Variants in DIP2C observed in about 807,000 individuals in gnomAD.
The protein encoded by DIP2C is DIP2 acetate--CoA ligase C (putative).
In DIP2C, 33 loss-of-function variants were observed where a neutral mutation model predicts 192.4. The ratio of observed to expected loss-of-function variants is 0.17; its 90% CI spans 0.13 to 0.23. The LOEUF is 0.23. DIP2C is among the 10% of genes least tolerant of loss of function. The pLI is 1.00. For synonymous variants in DIP2C, 979 were observed against 864.1 expected (o/e 1.13, Z -2.33); for missense variants, 1,537 against 2,110.1 (o/e 0.73, Z 5.32).
At chr10:390,968 C>T in intron 10 of DIP2C, 105 bp from the exon 11 acceptor site, 3 of 1,493,166 alleles carry the variant, frequency 2.0e-6, no homozygotes, top group Non-Finnish European at 2.7e-6. Context: ...TCTGCAGAAC[C>T]AGGATCCAAC....
intron 1 of DIP2C, among the ~76,000 whole-genome samples, chr10:570,480 A>G (rs1215057333): frequency 1.3e-5 from 2 of 151,988 alleles, no homozygotes; most frequent in Admixed American, 6.6e-5. Context: ...CATGACCCAC[A>G]TCTCTCCACC....
chr10:579,095 G>A (rs533550976), intron 1 of DIP2C, among the ~76,000 whole-genome samples: 1 of 152,078 alleles, frequency 6.6e-6, no homozygotes, highest in Non-Finnish European at 1.5e-5. Context: ...CACACATGCA[G>A]ATCCATGTAG....
chr10:352,388 G>A (rs1564601794), intron 24 of DIP2C, among the ~76,000 whole-genome samples: 2 of 152,234 alleles, frequency 1.3e-5, no homozygotes, highest in South Asian at 4.1e-4. Context: ...TTTTCTCAAT[G>A]CTGGTTGATG....
At chr10:553,969 C>G (rs115205124) in intron 1 of DIP2C, among the ~76,000 whole-genome samples, 1 of 149,130 alleles carries the variant, frequency 6.7e-6, no homozygotes, top group East Asian at 2.0e-4. Flanking sequence ...AAAACGTATA[C>G]GCTTGTAACT....
At chr10:394,686 C>A (rs1226327222) in intron 10 of DIP2C, among the ~76,000 whole-genome samples, 2 of 149,774 alleles carry the variant, frequency 1.3e-5, no homozygotes, top group Non-Finnish European at 3.0e-5. Flanking sequence ...GGGAAGCCTG[C>A]CACATGCTGA....
intron 1 of DIP2C, among the ~76,000 whole-genome samples, chr10:560,309 C>CA (rs1317184704): frequency 1.3e-5 from 2 of 151,832 alleles, no homozygotes; most frequent in Non-Finnish European, 2.9e-5. Context: ...GCCATGTGAA[C>CA]ACAAAGCTAA....
chr10:565,376 TAGAC>T (rs985651862), intron 1 of DIP2C, among the ~76,000 whole-genome samples: 2 of 113,430 alleles, frequency 1.8e-5, no homozygotes, highest in Admixed American at 8.0e-5. Flanking sequence ...AAAAAAGACC[TAGAC>T]AAACACACAC....
At chr10:603,112 G>C (rs1852200890) in intron 1 of DIP2C, among the ~76,000 whole-genome samples, 1 of 151,744 alleles carries the variant, frequency 6.6e-6, no homozygotes, top group Non-Finnish European at 1.5e-5. Context: ...TGTAAGTTCT[G>C]GCATGTCATT....
At chr10:382,544 C>T in intron 17 of DIP2C, 103 bp downstream of exon 17, 1 of 859,438 alleles carries the variant, frequency 1.2e-6, no homozygotes, top group Non-Finnish European at 1.9e-6. Flanking sequence ...GTCCCGTTTT[C>T]ACCCTCACCC....
At chr10:527,298 C>G (rs1847109264) in intron 1 of DIP2C, among the ~76,000 whole-genome samples, 1 of 152,222 alleles carries the variant, frequency 6.6e-6, no homozygotes, top group South Asian at 2.1e-4. Context: ...CTCCCCGCTT[C>G]TGGGCTTCTT....
rs185682757 is a variant in DIP2C at position 519,450 on chromosome 10, G to A, written c.86-32920C>T. ...AGCACGTTTCCTGAGTGCTGACCCC[G>A]CGTGGTATTGGATATGGCAATAAGG... On this transcript the variant is annotated intron_variant, in intron 1 of 36. Transcript: ENST00000280886. Among the ~76,000 whole-genome samples the A allele has an allele frequency of 2.3e-4, 35 of 152,274 alleles. No individual in the cohort carries two copies. The East Asian group carries it at 3.9e-3, about 17-fold the overall frequency.
chr10:496,088 C>A (rs527534055), intron 1 of DIP2C, among the ~76,000 whole-genome samples: 1 of 140,362 alleles, frequency 7.1e-6, no homozygotes, highest in Admixed American at 7.2e-5. Flanking sequence ...GTACACAGAA[C>A]CCACGGTGCC....
chr10:455,496 A>G (rs11252530), intron 3 of DIP2C, among the ~76,000 whole-genome samples: 9 of 86,726 alleles, frequency 1.0e-4, no homozygotes, highest in Admixed American at 3.4e-4. Context: ...CTGAGGGGAG[A>G]CCGTGAGGAG....
In DIP2C at chr10:423,117, C is replaced by T. The variant is rs1966320446; in HGVS notation, c.395-84G>A. ...CAGTCCCTCGCCAAACACAGATTTA[C>T]TTCACGTAAGTCTCAATAGTTGTTC... On this transcript the variant is annotated intron_variant, in intron 4 of 36. Coordinates refer to ENST00000280886, the MANE Select transcript of DIP2C (RefSeq NM_014974.3). 2.3e-6 allele frequency: 3 copies of T among 1,318,036 alleles called. 1 individual carries two copies. The highest frequency in any genetic ancestry group is 2.9e-5 in the South Asian group (2 of 69,506). 81.6% of individuals were successfully genotyped at this position (1,318,036 alleles called of 1,614,324 possible).
chr10:481,529 A>C (rs1013348590), intron 2 of DIP2C, among the ~76,000 whole-genome samples: 2 of 152,236 alleles, frequency 1.3e-5, no homozygotes, highest in African/African-American at 4.8e-5. Flanking sequence ...TTCTGAAAAG[A>C]TAATAAAATT....
chr10:475,388 G>A (rs552528953), intron 2 of DIP2C, among the ~76,000 whole-genome samples: 1 of 152,292 alleles, frequency 6.6e-6, no homozygotes, highest in East Asian at 1.9e-4. Context: ...AAGTTGCCAA[G>A]CGTATCCAGT....
chr10:520,738 A>G lies in DIP2C; in HGVS notation c.86-34208T>C, dbSNP rs534034094. On this transcript the variant is annotated intron_variant, in intron 1 of 36. Transcript: ENST00000280886. ...CTGCCAAAGTTTCACTTTAGGGCAA[A>G]TAAGTTGGAAACCAAAAAATTCTAA... Among the ~76,000 whole-genome samples, 4 of 152,334 alleles carry G rather than the reference A, an allele frequency of 2.6e-5. No homozygotes were observed. The South Asian group carries it at 8.3e-4, about 32-fold the overall frequency.
At chr10:445,628 GTC>G (rs1479282802) in intron 3 of DIP2C, among the ~76,000 whole-genome samples, 12 of 112,476 alleles carry the variant, frequency 1.1e-4, no homozygotes, top group African/African-American at 3.5e-4. Flanking sequence ...GTTGCGAAGA[GTC>G]TATCTTGCAC....
intron 32 of DIP2C, among the ~76,000 whole-genome samples, chr10:290,014 C>A (rs1214358788): frequency 6.6e-6 from 1 of 152,240 alleles, no homozygotes; most frequent in African/African-American, 2.4e-5. Context: ...GACAGAAGCA[C>A]CCGTGCCGGG....
Sources: allele counts gnomAD v4.1 joint callset (sites outside exome capture counted in the v4.1 genomes callset), GRCh38; gene constraint gnomAD v4.1.1; transcripts MANE v1.5; gene names NCBI Gene and HGNC (gene_info 2026-07-23, HGNC 2026-07-21).